Variants in SNX25 observed in about 807,000 individuals in gnomAD.
SNX25 encodes the protein sorting nexin 25.
A neutral mutation model predicts 113.7 loss-of-function variants in SNX25; 62 were observed. The observed-to-expected ratio is 0.55, with a 90% CI of 0.44 to 0.67. SNX25 has a LOEUF of 0.67. SNX25 is among the 30% of genes least tolerant of loss of function. The pLI, the probability that SNX25 is intolerant of heterozygous loss-of-function variation, is 0.00. For missense variants in SNX25, 1,014 were observed against 1,161.0 expected (o/e 0.87, Z 1.84); for synonymous variants, 421 against 436.2 (o/e 0.97, Z 0.43).
intron 1 of SNX25, among the ~76,000 whole-genome samples, chr4:185,220,670 C>T (rs1014283142): frequency 5.9e-5 from 9 of 151,808 alleles, no homozygotes; most frequent in Admixed American, 1.3e-4. Flanking sequence ...TTAGTAGAGA[C>T]GGGGTTTCAC....
chr4:185,236,588 G>T (rs908959391), intron 1 of SNX25, among the ~76,000 whole-genome samples: 1 of 152,054 alleles, frequency 6.6e-6, no homozygotes, highest in Non-Finnish European at 1.5e-5. Context: ...AATAAATTAT[G>T]ATATAAGCTA....
At chr4:185,354,504 T>C (rs1443419421) in intron 15 of SNX25, among the ~76,000 whole-genome samples, 4 of 152,190 alleles carry the variant, frequency 2.6e-5, no homozygotes, top group African/African-American at 9.6e-5. Flanking sequence ...CATTCTACTG[T>C]GCTCAGGACA....
chr4:185,269,502 A>T (rs1303896782), intron 5 of SNX25, among the ~76,000 whole-genome samples: 2 of 152,284 alleles, frequency 1.3e-5, no homozygotes, highest in East Asian at 1.9e-4. Flanking sequence ...TCTTTGACCA[A>T]ATAGTCGTTC....
chr4:185,318,851 G>A (rs1421896281), intron 7 of SNX25, among the ~76,000 whole-genome samples: 2 of 152,170 alleles, frequency 1.3e-5, no homozygotes, highest in African/African-American at 4.8e-5. Context: ...AATGAAAAAA[G>A]TTAAGCTGAA....
chr4:185,310,609 G>T, intron 6 of SNX25, 26 bp from the exon 7 acceptor site: 1 of 1,603,666 alleles, frequency 6.2e-7, no homozygotes, highest in Non-Finnish European at 8.5e-7. Flanking sequence ...CCTCTGACCA[G>T]GTACTGTTTC....
At chr4:185,291,271 C>G (rs1752124948) in intron 6 of SNX25, among the ~76,000 whole-genome samples, 1 of 152,138 alleles carries the variant, frequency 6.6e-6, no homozygotes, top group African/African-American at 2.4e-5. Context: ...TAATTACATT[C>G]ATACTGTTCT....
intron 11 of SNX25, among the ~76,000 whole-genome samples, chr4:185,340,465 A>G (rs2095254204): frequency 6.6e-6 from 1 of 152,122 alleles, no homozygotes; most frequent in African/African-American, 2.4e-5. Flanking sequence ...TGAACAATAC[A>G]CATTTCTCCA....
At chr4:185,212,802 A>G (rs1738161235) in intron 1 of SNX25, among the ~76,000 whole-genome samples, 1 of 152,154 alleles carries the variant, frequency 6.6e-6, no homozygotes, top group African/African-American at 2.4e-5. Context: ...AGTGAACCAA[A>G]TGGAGCTCCT....
intron 2 of SNX25, among the ~76,000 whole-genome samples, chr4:185,250,021 T>C (rs1745419825): frequency 6.6e-6 from 1 of 152,238 alleles, no homozygotes; most frequent in Non-Finnish European, 1.5e-5. Flanking sequence ...TTTTTGATTG[T>C]ATACTGGACA....
intron 3 of SNX25, among the ~76,000 whole-genome samples, chr4:185,261,154 G>GTGTGTGTA (rs1431374486): frequency 2.8e-5 from 4 of 141,772 alleles, no homozygotes; most frequent in Non-Finnish European, 4.7e-5. Context: ...GTGTGTGTGT[G>GTGTGTGTA]TGTATGTATG....
At chr4:185,331,648 G>C (rs1389988727) in intron 9 of SNX25, among the ~76,000 whole-genome samples, 2 of 152,064 alleles carry the variant, frequency 1.3e-5, no homozygotes, top group African/African-American at 4.8e-5. Context: ...GGACGTAGTG[G>C]TGGGCTCCTG....
intron 18 of SNX25, 123 bp downstream of exon 18, chr4:185,362,834 TGAC>T: frequency 5.4e-6 from 3 of 555,624 alleles, no homozygotes; most frequent in Non-Finnish European, 6.1e-6. Flanking sequence ...TCATCTCCCT[TGAC>T]TTTTTTTTTT....
chr4:185,373,192 T>C (rs1363735766), downstream of SNX25: 2 of 989,828 alleles, frequency 2.0e-6, no homozygotes, highest in Non-Finnish European at 3.0e-6. Context: ...TAATCATCTC[T>C]AGGAAAGAGC....
chr4:185,205,558 G>A (rs571882686), upstream of SNX25, among the ~76,000 whole-genome samples: 27 of 152,206 alleles, frequency 1.8e-4, no homozygotes, highest in South Asian at 1.9e-3. Flanking sequence ...GGCCCGGCGC[G>A]GTGGCTCACG....
At position 185,323,689 on chromosome 4, in the gene SNX25, C is replaced by T; in HGVS notation, c.1638C>T (p.Thr546=). The change falls in exon 9 of 19, where the codon ACC becomes ACT. Residue 546 remains threonine, a synonymous_variant. Transcript: ENST00000652585. Reference sequence around the variant, plus strand: ...AAATCCAGGAAGATGTTTATGAGACCCTAAAGGATAGGTATTACCCTTCAT... The same window carrying T: ...AAATCCAGGAAGATGTTTATGAGACTCTAAAGGATAGGTATTACCCTTCAT... ...FYKIQEDVYE[T]LKDRYYPSFI... is the part of the protein sequence containing the mutation. 1 of 1,613,286 alleles carries T rather than the reference C, an allele frequency of 6.2e-7. No individual in the cohort carries two copies. The highest frequency in any genetic ancestry group is 8.5e-7 in the Non-Finnish European group (1 of 1,179,618).
At chr4:185,287,665 A>G (rs930818591) in intron 5 of SNX25, among the ~76,000 whole-genome samples, 2 of 152,206 alleles carry the variant, frequency 1.3e-5, no homozygotes, top group South Asian at 2.1e-4. Context: ...GACAGTGCCA[A>G]TGTAAGAAGT....
downstream of SNX25, chr4:185,374,506 C>A (rs1466362200): frequency 1.3e-6 from 2 of 1,595,350 alleles, no homozygotes; most frequent in South Asian, 1.1e-5. Flanking sequence ...TTTAGTTTTA[C>A]CCAAACTGAA....
At chr4:185,212,821 C>G (rs1369258740) in intron 1 of SNX25, among the ~76,000 whole-genome samples, 1 of 152,172 alleles carries the variant, frequency 6.6e-6, no homozygotes, top group Non-Finnish European at 1.5e-5. Context: ...CTTAGAATAA[C>G]AGTGACTGCT....
intron 1 of SNX25, among the ~76,000 whole-genome samples, chr4:185,225,844 A>G (rs3112908): frequency 0.76 from 116,114 of 152,092 alleles, 44,363 homozygotes; most frequent in African/African-American, 0.81. Context: ...ATCAGTGAAA[A>G]AACTAAGAAT....
Sources: gnomAD v4.1 joint callset for allele counts (sites outside exome capture counted in the v4.1 genomes callset) on GRCh38, gnomAD v4.1.1 for gene constraint, MANE v1.5 for transcripts, NCBI Gene and HGNC (gene_info 2026-07-23, HGNC 2026-07-21) for gene names.